Variants in FAM193A observed in about 807,000 individuals in gnomAD.
FAM193A encodes the protein family with sequence similarity 193 member A.
Under a neutral mutation model 126.5 loss-of-function variants are expected in FAM193A, and 22 were observed. That is an observed-to-expected ratio of 0.17 (90% confidence interval 0.12 to 0.25). The LOEUF is 0.25. Ranked by LOEUF, FAM193A falls within the 10% of genes least tolerant of loss-of-function variation. The pLI is 1.00. For missense variants in FAM193A, 1,675 were observed against 1,672.8 expected, an observed-to-expected ratio of 1.00 and a Z score of -0.02; for synonymous variants, 761 against 646.8, an observed-to-expected ratio of 1.18 and a Z score of -2.68.
At chr4:2,578,742 T>C (rs753235741) in intron 1 of FAM193A, among the ~76,000 whole-genome samples, 1 of 152,184 alleles carries the variant, frequency 6.6e-6, no homozygotes. Context: ...CTTATAGATA[T>C]TATCTACTGT....
chr4:2,610,920 A>T (rs2108942220), intron 2 of FAM193A, among the ~76,000 whole-genome samples: 1 of 152,170 alleles, frequency 6.6e-6, no homozygotes, highest in East Asian at 1.9e-4. Flanking sequence ...TATTTTTAGT[A>T]GAGACAGGGT....
chr4:2,673,941 A>G (rs1714109566), intron 13 of FAM193A, among the ~76,000 whole-genome samples: 2 of 152,228 alleles, frequency 1.3e-5, no homozygotes, highest in Non-Finnish European at 2.9e-5. Flanking sequence ...TTTTAGGAGC[A>G]TCATTTGTAT....
intron 17 of FAM193A, among the ~76,000 whole-genome samples, chr4:2,695,933 G>A (rs764154313): frequency 5.3e-4 from 80 of 152,052 alleles, no homozygotes; most frequent in Non-Finnish European, 8.2e-4. Context: ...GAGTGTGACA[G>A]CACACCCCTG....
At chr4:2,617,283 T>TTTTTTTTTTTTTTTTTTC (rs1742266082) in intron 2 of FAM193A, among the ~76,000 whole-genome samples, 1 of 92,418 alleles carries the variant, frequency 1.1e-5, no homozygotes, top group Non-Finnish European at 2.1e-5. Flanking sequence ...TTTTTTTTTT[T>TTTTTTTTTTTTTTTTTTC]TGAGATGGAG....
intron 10 of FAM193A, 94 bp from the exon 11 acceptor site, chr4:2,662,744 G>A: frequency 1.1e-6 from 1 of 900,260 alleles, no homozygotes; most frequent in Non-Finnish European, 1.7e-6. Flanking sequence ...TGAAAGCCGT[G>A]ATCTGTCCAG....
At chr4:2,554,876 C>G (rs1738163187) in intron 1 of FAM193A, among the ~76,000 whole-genome samples, 1 of 152,048 alleles carries the variant, frequency 6.6e-6, no homozygotes, top group African/African-American at 2.4e-5. Context: ...TCTGATACTA[C>G]TAATATAGCC....
intron 1 of FAM193A, among the ~76,000 whole-genome samples, chr4:2,572,283 C>T (rs368124253): frequency 2.0e-5 from 3 of 149,664 alleles, no homozygotes; most frequent in Admixed American, 1.3e-4. Flanking sequence ...GAGCCAAGAT[C>T]GCGCCACTGG....
chr4:2,639,870 T>G lies in FAM193A; in HGVS notation c.1163+11T>G, dbSNP rs774075900. 6.2e-7 allele frequency: 1 copy of G among 1,612,794 alleles called. No homozygotes were observed. ...GGTGTCACAGATCAGGTATTTTGCC[T>G]TAACCCGTATGTGTCTTTGTGGTGT... On this transcript the variant is annotated intron_variant, in intron 6 of 20. Transcript: ENST00000637812.
chr4:2,568,003 C>G (rs1026719331), intron 1 of FAM193A, among the ~76,000 whole-genome samples: 20 of 152,162 alleles, frequency 1.3e-4, no homozygotes, highest in African/African-American at 4.8e-4. Flanking sequence ...AGCCTGTTAT[C>G]TACTACTTCT....
rs72501977 is a variant in FAM193A, at chr4:2,717,972, A to G, written c.4454+1868A>G. Among the ~76,000 whole-genome samples the G allele has an allele frequency of 3.3e-5, 5 of 152,184 alleles. No homozygotes were observed. In the East Asian group the frequency reaches 7.7e-4, roughly 23 times the overall value. ...GCCCAGACTGTCAAAATTTTTAAAT[A>G]CACAGAACTAAAAAGATAATTAAAA... On this transcript the variant is annotated intron_variant, in intron 20 of 20. Transcript: ENST00000637812.
At chr4:2,676,798 G>A (rs184796591) in intron 13 of FAM193A, among the ~76,000 whole-genome samples, 25 of 152,190 alleles carry the variant, frequency 1.6e-4, no homozygotes, top group Admixed American at 1.5e-3. Flanking sequence ...AAAATTAGCC[G>A]GGTGTGGTGG....
intron 14 of FAM193A, among the ~76,000 whole-genome samples, chr4:2,690,023 C>T (rs1228447574): frequency 2.0e-5 from 3 of 152,222 alleles, no homozygotes; most frequent in Non-Finnish European, 4.4e-5. Flanking sequence ...CTTCAATTCT[C>T]GAGCAGTGGT....
At chr4:2,591,124 TAAA>T (rs1740547766) in intron 1 of FAM193A, among the ~76,000 whole-genome samples, 1 of 151,932 alleles carries the variant, frequency 6.6e-6, no homozygotes, top group East Asian at 1.9e-4. Context: ...ATTCACAGAA[TAAA>T]AAAGTTACCA....
chr4:2,562,389 C>T (rs983007431), intron 1 of FAM193A, among the ~76,000 whole-genome samples: 1 of 152,120 alleles, frequency 6.6e-6, no homozygotes, highest in Non-Finnish European at 1.5e-5. Context: ...GAGTTAAACA[C>T]TGCAGTGAGC....
intron 19 of FAM193A, among the ~76,000 whole-genome samples, chr4:2,712,383 GCA>G (rs1296529757): frequency 6.6e-6 from 1 of 152,126 alleles, no homozygotes; most frequent in African/African-American, 2.4e-5. Flanking sequence ...GTTGTTTGGT[GCA>G]CATTCCTGTT....
intron 13 of FAM193A, among the ~76,000 whole-genome samples, chr4:2,684,876 G>A (rs939863291): frequency 1.3e-4 from 20 of 152,190 alleles, no homozygotes; most frequent in African/African-American, 4.8e-4. Flanking sequence ...ACCTAGCAAG[G>A]CCCAGACCAG....
intron 2 of FAM193A, chr4:2,607,911 C>T: frequency 9.2e-7 from 1 of 1,087,440 alleles, no homozygotes; most frequent in Non-Finnish European, 1.3e-6. Flanking sequence ...GTCTGTTTTT[C>T]ACTATGTGAT....
chr4:2,622,668 T>C (rs1485327084), intron 2 of FAM193A, among the ~76,000 whole-genome samples: 2 of 152,308 alleles, frequency 1.3e-5, no homozygotes, highest in East Asian at 3.9e-4. Flanking sequence ...ATCAAGGTGC[T>C]GGCAGATTGG....
rs1560538161 is a variant in FAM193A, at chr4:2,663,272, C to G, written c.2063C>G (p.Ser688Cys). 1.9e-6 allele frequency: 3 copies of G among 1,593,336 alleles called. No homozygotes were observed. The highest frequency in any genetic ancestry group is 2.6e-6 in the Non-Finnish European group (3 of 1,172,626). The stretch of plus-strand genomic sequence containing the variant: ...AGCAAAGCAGACAGTCCACCCCCAT[C>G]CTACCCAACACAGCAGGTAGGACTT... ...EESKADSPPP[S>C]YPTQQAEQAP... The change falls in exon 12 of 21, where the codon TCC becomes TGC. Residue 688 changes from serine (S) to cysteine (C), a missense_variant. Coordinates refer to ENST00000637812, the MANE Select transcript of FAM193A (RefSeq NM_001366318.2).
Sources: gnomAD v4.1 joint callset for allele counts (sites outside exome capture counted in the v4.1 genomes callset) on GRCh38, gnomAD v4.1.1 for gene constraint, MANE v1.5 for transcripts, NCBI Gene and HGNC (gene_info 2026-07-23, HGNC 2026-07-21) for gene names.